The following ARF4 variants were observed in gnomAD, a reference collection of about 807,000 sequenced individuals.
The protein encoded by ARF4 is ARF GTPase 4.
A neutral mutation model predicts 24.3 loss-of-function variants in ARF4; 5 were observed. The ratio of observed to expected loss-of-function variants is 0.21; its 90% CI spans 0.11 to 0.43. ARF4 has a LOEUF of 0.43. Ranked by LOEUF, ARF4 falls within the 20% of genes least tolerant of loss-of-function variation. The pLI, the probability that ARF4 is intolerant of heterozygous loss-of-function variation, is 1.00. For missense variants in ARF4, 107 were observed against 213.0 expected (o/e 0.50, Z 3.10); for synonymous variants, 62 against 73.5 (o/e 0.84, Z 0.80).
chr3:57,575,515 T>C, intron 5 of ARF4, 33 bp downstream of exon 5: 1 of 1,589,894 alleles, frequency 6.3e-7, no homozygotes. Context: ...GTCTTAATAG[T>C]CAAGAGGTTA....
At position 57,572,217 on chromosome 3, in the gene ARF4, G is replaced by A. The variant is rs778744712; in HGVS notation, c.538C>T (p.Arg180Cys). 11 of 1,613,112 alleles carry A rather than the reference G, an allele frequency of 6.8e-6. No homozygotes were observed. The highest frequency in any genetic ancestry group is 1.7e-5 in the Admixed American group (1 of 59,984). ...GGTTAGATATCCAATTTCATTTAAC[G>A]TTTTGAAAGCTCATTTGACAGCCAG... ...LDWLSNELSKR is the reference protein window; with the variant it reads ...LDWLSNELSKC Residue 180 changes from arginine (R) to cysteine (C), a missense_variant, in exon 6 of 6, where the codon CGT (arginine) becomes TGT (cysteine). Physicochemically the swap from Arg to Cys is radical, Grantham distance 180. Coordinates refer to ENST00000303436, the MANE Select transcript of ARF4 (RefSeq NM_001660.4).
intron 1 of ARF4, among the ~76,000 whole-genome samples, chr3:57,588,669 C>A (rs1003122727): frequency 1.4e-5 from 2 of 144,992 alleles, no homozygotes; most frequent in Admixed American, 1.4e-4. Flanking sequence ...GCCTGACCAA[C>A]ATGGAGAAAG....
chr3:57,579,488 A>G (rs759063958), intron 3 of ARF4, among the ~76,000 whole-genome samples: 2 of 151,758 alleles, frequency 1.3e-5, no homozygotes, highest in African/African-American at 2.4e-5. Flanking sequence ...AGATTTTACT[A>G]TGTTGGCCAG....
chr3:57,596,889 T>C, intron 1 of ARF4, 185 bp downstream of exon 1: 1 of 611,856 alleles, frequency 1.6e-6, no homozygotes. Context: ...TGGCGACAGA[T>C]CGGGGGCGGG....
At chr3:57,596,652 G>A (rs1054469266) in intron 1 of ARF4, 5 of 187,478 alleles carry the variant, frequency 2.7e-5, no homozygotes, top group South Asian at 1.6e-4. Context: ...AAACGCAGAA[G>A]GGGAGGGAAA....
chr3:57,590,401 G>T (rs1323684680), intron 1 of ARF4, among the ~76,000 whole-genome samples: 8 of 151,860 alleles, frequency 5.3e-5, no homozygotes, highest in Admixed American at 1.3e-4. Flanking sequence ...CAGGAGAATC[G>T]CTTGAACCCG....
chr3:57,584,205 C>T, intron 2 of ARF4, 179 bp downstream of exon 2: 1 of 732,396 alleles, frequency 1.4e-6, no homozygotes, highest in Non-Finnish European at 2.2e-6. Context: ...TCAAGCAATC[C>T]ACCCGCCTCG....
rs1446201564 is a variant in ARF4 at position 57,571,367 on chromosome 3, G to A, written c.*845C>T. 3.9e-5 allele frequency: 6 copies of A among 152,402 alleles called. No individual in the cohort carries two copies. The highest frequency in any genetic ancestry group is 1.9e-4 in the East Asian group (1 of 5,194). 9.4% of individuals were successfully genotyped at this position (152,402 alleles called of 1,614,324 possible). A position where few individuals can be genotyped will look rare whatever the true frequency, so the allele number is the denominator to read the frequency against. ...ACTCAAAAAGAACACACACAATTAC[G>A]TATTTTATCATTTTATTAGGAATAA... is the stretch of plus-strand genomic sequence containing the variant. On this transcript the variant is annotated 3_prime_UTR_variant, in exon 6 of 6. Coordinates refer to ENST00000303436, the MANE Select transcript of ARF4 (RefSeq NM_001660.4).
At chr3:57,581,626 C>A (rs961533335) in intron 3 of ARF4, among the ~76,000 whole-genome samples, 3 of 152,186 alleles carry the variant, frequency 2.0e-5, no homozygotes, top group African/African-American at 7.2e-5. Context: ...CATGGTGAAA[C>A]CCCGTCTCTA....
intron 3 of ARF4, among the ~76,000 whole-genome samples, chr3:57,583,263 A>G (rs2153408919): frequency 6.6e-6 from 1 of 152,290 alleles, no homozygotes; most frequent in South Asian, 2.1e-4. Context: ...ATTAAAGTTT[A>G]AGAAACACTA....
At chr3:57,576,819 T>G (rs1450330385) in intron 4 of ARF4, among the ~76,000 whole-genome samples, 1 of 152,144 alleles carries the variant, frequency 6.6e-6, no homozygotes, top group East Asian at 1.9e-4. Context: ...GTCTCTACTT[T>G]CAGAAGGAAT....
intron 3 of ARF4, among the ~76,000 whole-genome samples, chr3:57,583,460 A>C (rs2070000318): frequency 6.6e-6 from 1 of 152,206 alleles, no homozygotes; most frequent in Admixed American, 6.5e-5. Flanking sequence ...GTGGCAATAT[A>C]AAAATATCTT....
In ARF4 at chr3:57,597,232, G is replaced by C. The variant is rs1377855742; in HGVS notation, c.-92C>G. The C allele has an allele frequency of 1.6e-6, 2 of 1,259,126 alleles. No individual in the cohort carries two copies. Among genetic ancestry groups the C allele is most frequent in the African/African-American group, 1.5e-5 (1 of 67,322 alleles). 78.0% of individuals were successfully genotyped at this position (1,259,126 alleles called of 1,614,324 possible). On this transcript the variant is annotated 5_prime_UTR_variant, in exon 1 of 6. Coordinates refer to ENST00000303436, the MANE Select transcript of ARF4 (RefSeq NM_001660.4). Reference sequence around the variant, plus strand: ...TCAAGCTCCCAGGCAAACTAAACGAGAGGGAAGAGAAAGAGCGGAGGAAGA... The same window carrying C: ...TCAAGCTCCCAGGCAAACTAAACGACAGGGAAGAGAAAGAGCGGAGGAAGA...
intron 1 of ARF4, among the ~76,000 whole-genome samples, chr3:57,591,004 C>T (rs1329632280): frequency 6.6e-6 from 1 of 152,162 alleles, no homozygotes; most frequent in Non-Finnish European, 1.5e-5. Flanking sequence ...AATAACCTTT[C>T]ATTTTTCAGA....
chr3:57,585,665 C>CTTT lies in ARF4; in HGVS notation c.68-1204_68-1202dup, dbSNP rs10651218. Among the ~76,000 whole-genome samples, 738 of 137,056 alleles carry CTTT rather than the reference C, an allele frequency of 5.4e-3. 30 individuals are homozygous for CTTT. Among genetic ancestry groups the CTTT allele is most frequent in the South Asian group, 0.012 (55 of 4,412 alleles). 89.9% of individuals were successfully genotyped at this position (137,056 alleles called of 152,430 possible). On this transcript the variant is annotated intron_variant, in intron 1 of 5. Transcript: ENST00000303436. The stretch of plus-strand genomic sequence containing the variant: ...CTACAATATAAGTAATATCTAAATT[C>CTTT]TTTTTTTTTTTTTTTGAGACAGAGT...
intron 3 of ARF4, among the ~76,000 whole-genome samples, chr3:57,580,300 G>C (rs2069953736): frequency 1.3e-5 from 2 of 152,066 alleles, no homozygotes; most frequent in African/African-American, 2.4e-5. Flanking sequence ...AAAGATCATT[G>C]TTCTTGGCTT....
At position 57,584,478 on chromosome 3, in the gene ARF4, T is replaced by G. The variant is rs760354843; in HGVS notation, c.68-14A>C. 4 of 1,602,318 alleles carry G rather than the reference T, an allele frequency of 2.5e-6. No individual in the cohort carries two copies. The highest frequency in any genetic ancestry group is 2.6e-6 in the Non-Finnish European group (3 of 1,171,420). ...CATCCAATCCAACTAGAAGAAGACA[T>G]TATAGATTTAAAATCCAGACCAAAA... On this transcript the variant is annotated splice_polypyrimidine_tract_variant and intron_variant, in intron 1 of 5. Transcript: ENST00000303436.
chr3:57,581,854 A>C (rs2069976667), intron 3 of ARF4, among the ~76,000 whole-genome samples: 1 of 152,216 alleles, frequency 6.6e-6, no homozygotes, highest in African/African-American at 2.4e-5. Flanking sequence ...GAAACAACAC[A>C]GCACTGCTTA....
intron 1 of ARF4, chr3:57,596,783 C>T (rs780308026): frequency 3.0e-6 from 1 of 336,392 alleles, no homozygotes. Context: ...GCTTTCCCCA[C>T]ATCTCTGCCC....
Sources: gnomAD v4.1 joint callset for allele counts (sites outside exome capture counted in the v4.1 genomes callset) on GRCh38, gnomAD v4.1.1 for gene constraint, MANE v1.5 for transcripts, NCBI Gene and HGNC (gene_info 2026-07-23, HGNC 2026-07-21) for gene names.